Variants in MYO18A observed in about 807,000 individuals in gnomAD.
MYO18A encodes unconventional myosin-XVIIIa.
In MYO18A, 78 loss-of-function variants were observed where a neutral mutation model predicts 235.8. The observed-to-expected ratio is 0.33, with a 90% CI of 0.28 to 0.40. The LOEUF (loss-of-function observed/expected upper bound fraction) is 0.40. MYO18A is among the 10% of genes least tolerant of loss of function. MYO18A has a pLI of 1.00. For synonymous variants in MYO18A, 977 were observed against 1,077.8 expected, an observed-to-expected ratio of 0.91 and a Z score of 1.83; for missense variants, 2,215 against 2,699.3, an observed-to-expected ratio of 0.82 and a Z score of 3.98.
intron 15 of MYO18A, among the ~76,000 whole-genome samples, chr17:29,113,554 C>A (rs1004309443): frequency 2.6e-5 from 4 of 152,340 alleles, no homozygotes; most frequent in Non-Finnish European, 5.9e-5. Context: ...GGGAGGCTGG[C>A]TCCTGGCCCT....
intron 41 of MYO18A, chr17:29,079,790 GCTT>G (rs1488921803): frequency 3.3e-5 from 33 of 985,936 alleles, no homozygotes; most frequent in Non-Finnish European, 3.7e-5. Context: ...TCTTTCTTGC[GCTT>G]CTTTTCCTCC....
In MYO18A at chr17:29,165,965, C is replaced by G; in HGVS notation, c.976G>C (p.Gly326Arg). Residue 326 changes from glycine to arginine, a missense_variant, in exon 2 of 42, where the codon GGA becomes CGA. Gly to Arg is a moderately radical substitution (Grantham distance 125, BLOSUM62 -2). Transcript: ENST00000527372. ...ACATCGGATGGCTCCCTGCGAGGTC[C>G]CTCGCCGCTCCGCAGCCAGCTCCTG... Reference protein sequence around the residue: ...LSRSWLRSGEGPRREPSDAKT... With the variant: ...LSRSWLRSGERPRREPSDAKT... 1 of 1,613,158 alleles carries G rather than the reference C, an allele frequency of 6.2e-7. No individual in the cohort carries two copies. The highest frequency in any genetic ancestry group is 8.5e-7 in the Non-Finnish European group (1 of 1,179,740).
At chr17:29,130,474 C>CCACACACACA (rs71135871) in intron 2 of MYO18A, among the ~76,000 whole-genome samples, 46 of 142,238 alleles carry the variant, frequency 3.2e-4, no homozygotes, top group Admixed American at 8.6e-4. Flanking sequence ...GAGGCCTCTC[C>CCACACACACA]CACACACACA....
At chr17:29,131,677 C>T (rs983137102) in intron 2 of MYO18A, among the ~76,000 whole-genome samples, 1 of 152,230 alleles carries the variant, frequency 6.6e-6, no homozygotes, top group Non-Finnish European at 1.5e-5. Flanking sequence ...GTACCCTTGC[C>T]CTCAGCAACC....
chr17:29,163,323 G>C (rs537449789), intron 2 of MYO18A, among the ~76,000 whole-genome samples: 1 of 152,200 alleles, frequency 6.6e-6, no homozygotes, highest in South Asian at 2.1e-4. Context: ...AGCTGGAAAC[G>C]CTGGGCTCAC....
intron 11 of MYO18A, among the ~76,000 whole-genome samples, chr17:29,116,126 G>A (rs559039732): frequency 7.9e-5 from 12 of 152,352 alleles, no homozygotes; most frequent in South Asian, 4.1e-4. Flanking sequence ...GCTCAGCTCC[G>A]GGGATGCCCA....
Position 29,106,735 on chromosome 17 carries a change from T to C in MYO18A, c.3441+345A>G, listed in dbSNP as rs2066795749. 6.6e-6 allele frequency among the ~76,000 whole-genome samples: 1 copy of C among 152,208 alleles called. No individual in the cohort carries two copies. The highest frequency in any genetic ancestry group is 1.5e-5 in the Non-Finnish European group (1 of 68,034). ...CGCCCAGCCCTGGACAGCTTCCTGC[T>C]TCAGGAACCAATCCCTGACATGGGG... On this transcript the variant is annotated intron_variant, in intron 20 of 41. Transcript: ENST00000527372. This position sits in a 1 kb window ranked among gnomAD's most constrained non-coding sequence, Gnocchi z 4.6.
chr17:29,160,435 G>T (rs28376557), intron 2 of MYO18A, among the ~76,000 whole-genome samples: 11,881 of 152,206 alleles, frequency 0.078, 621 homozygotes, highest in South Asian at 0.16. Flanking sequence ...CTGCCCCACT[G>T]TATGCCTGCA....
At chr17:29,086,309 G>A in intron 39 of MYO18A, 129 bp downstream of exon 39, 1 of 1,053,020 alleles carries the variant, frequency 9.5e-7, no homozygotes. Flanking sequence ...TGGCAGTAAA[G>A]GGAGGGTGGG....
intron 1 of MYO18A, among the ~76,000 whole-genome samples, chr17:29,176,387 GA>G (rs71359276): frequency 0.078 from 11,359 of 146,090 alleles, 569 homozygotes; most frequent in South Asian, 0.16. Context: ...GCTGGCAAAA[GA>G]AAAAAAAAAC....
chr17:29,156,526 AGTCACCAAG>A (rs1400781599), intron 2 of MYO18A, among the ~76,000 whole-genome samples: 4 of 152,240 alleles, frequency 2.6e-5, no homozygotes, highest in African/African-American at 9.6e-5. Context: ...CCTAGAGACA[AGTCACCAAG>A]GTCAGTTAGA....
chr17:29,168,377 G>A (rs1268476074), intron 1 of MYO18A, among the ~76,000 whole-genome samples: 4 of 152,190 alleles, frequency 2.6e-5, no homozygotes, highest in Non-Finnish European at 4.4e-5. Flanking sequence ...TAAAAACCTG[G>A]TGGGAAGAGT....
chr17:29,169,027 A>G (rs922268866), intron 1 of MYO18A, among the ~76,000 whole-genome samples: 4 of 152,030 alleles, frequency 2.6e-5, no homozygotes, highest in Non-Finnish European at 4.4e-5. Flanking sequence ...AAAACTGGCC[A>G]GGTGTGATGG....
intron 2 of MYO18A, chr17:29,133,680 C>T: frequency 2.9e-6 from 2 of 697,392 alleles, no homozygotes; most frequent in South Asian, 1.5e-5. Context: ...ATTATACACA[C>T]ATGCCCCAAT....
At position 29,082,441 on chromosome 17, in the gene MYO18A, G is replaced by GT; in HGVS notation, c.5898-4dup. On this transcript the variant is annotated splice_region_variant and splice_polypyrimidine_tract_variant and intron_variant, in intron 40 of 41. Coordinates refer to ENST00000527372, the MANE Select transcript of MYO18A (RefSeq NM_078471.4). ...AGTCCACATCAGAGTCTCCCTCACT[G>GT]TAGGGATGAGGAGCAGAAAGGTAGA... 6.2e-7 allele frequency: 1 copy of GT among 1,612,522 alleles called. No individual in the cohort carries two copies. Among genetic ancestry groups the GT allele is most frequent in the Non-Finnish European group, 8.5e-7 (1 of 1,179,556 alleles).
At chr17:29,079,170 C>A (rs1729919665) in intron 41 of MYO18A, among the ~76,000 whole-genome samples, 1 of 152,186 alleles carries the variant, frequency 6.6e-6, no homozygotes, top group Non-Finnish European at 1.5e-5. Context: ...CTGGCCCCAG[C>A]CTGTTGGGGC....
At position 29,129,721 on chromosome 17, in the gene MYO18A, C is replaced by T. The variant is rs185773865; in HGVS notation, c.1000-7468G>A. 3.9e-5 allele frequency among the ~76,000 whole-genome samples: 6 copies of T among 152,370 alleles called. No individual in the cohort carries two copies. In the East Asian group the frequency reaches 1.2e-3, roughly 29 times the overall value. On this transcript the variant is annotated intron_variant, in intron 2 of 41. Transcript: ENST00000527372. ...TGCAGGAAGACGCTCACAGTAGGCG[C>T]ACCTGGGAGCTGCTGCCTCTGGATG... is the stretch of plus-strand genomic sequence containing the variant.
intron 36 of MYO18A, 98 bp from the exon 37 acceptor site, chr17:29,090,196 AG>A: frequency 7.4e-7 from 1 of 1,353,772 alleles, no homozygotes. Context: ...CCAGAAGGCA[AG>A]GGGAGGGAGG....
intron 18 of MYO18A, 31 bp downstream of exon 18, chr17:29,110,405 G>A (rs931204354): frequency 4.5e-6 from 7 of 1,548,062 alleles, no homozygotes; most frequent in African/African-American, 4.1e-5. Context: ...GGGTCCCCAG[G>A]CCTGCCTGCT....
Sources: allele counts gnomAD v4.1 joint callset (sites outside exome capture counted in the v4.1 genomes callset), GRCh38; gene constraint gnomAD v4.1.1; non-coding constraint Gnocchi (gnomAD v3.1); transcripts MANE v1.5; gene names NCBI Gene and HGNC (gene_info 2026-07-23, HGNC 2026-07-21).